MTFR1: variants seen among roughly 807,000 people sequenced by gnomAD.
MTFR1 encodes mitochondrial fission regulator 1, also known as chondrocyte protein with a poly-proline region.
A neutral mutation model predicts 38.8 loss-of-function variants in MTFR1; 28 were observed. That is an observed-to-expected ratio of 0.72 (90% CI 0.53 to 0.99). The LOEUF is 0.99. MTFR1 is among the 50% of genes least tolerant of loss of function. The probability of loss-of-function intolerance (pLI) is 0.00; values close to 1 mark genes in which losing one functional copy is unlikely to be tolerated. For missense variants in MTFR1, 358 were observed against 395.5 expected, an observed-to-expected ratio of 0.91 and a Z score of 0.81; for synonymous variants, 145 against 137.0, an observed-to-expected ratio of 1.06 and a Z score of -0.41.
intron 4 of MTFR1, among the ~76,000 whole-genome samples, chr8:65,700,755 G>A (rs924245889): frequency 2.6e-5 from 4 of 152,112 alleles, no homozygotes; most frequent in Non-Finnish European, 4.4e-5. Flanking sequence ...CTGTAGCTAT[G>A]TAAGATAGCT....
intron 3 of MTFR1, among the ~76,000 whole-genome samples, chr8:65,766,543 T>G (rs1808794601): frequency 6.6e-6 from 1 of 152,196 alleles, no homozygotes; most frequent in South Asian, 2.1e-4. Flanking sequence ...AGGGAGCCTG[T>G]TAGAACACGT....
At chr8:65,695,043 T>TAGAACCTGA (rs1805395505) in intron 4 of MTFR1, among the ~76,000 whole-genome samples, 1 of 152,138 alleles carries the variant, frequency 6.6e-6, no homozygotes, top group Non-Finnish European at 1.5e-5. Context: ...GAAAGCAATA[T>TAGAACCTGA]AGAACCTGAA....
chr8:65,686,849 G>A (rs1382760665), intron 3 of MTFR1, among the ~76,000 whole-genome samples: 3 of 151,652 alleles, frequency 2.0e-5, no homozygotes, highest in South Asian at 2.1e-4. Context: ...GCCTGAACCC[G>A]GGAACTGGAG....
intron 3 of MTFR1, among the ~76,000 whole-genome samples, chr8:65,692,528 T>TG (rs1197518995): frequency 6.6e-6 from 1 of 152,086 alleles, no homozygotes; most frequent in African/African-American, 2.4e-5. Context: ...TCAGTAGAGA[T>TG]GGGGTTTCAC....
At chr8:65,647,456 C>T (rs1323359301) in intron 1 of MTFR1, among the ~76,000 whole-genome samples, 1 of 152,116 alleles carries the variant, frequency 6.6e-6, no homozygotes, top group African/African-American at 2.4e-5. Flanking sequence ...GGATTACAGG[C>T]GTAGGCCACC....
intron 3 of MTFR1, among the ~76,000 whole-genome samples, chr8:65,764,761 C>T: frequency 6.6e-6 from 1 of 152,092 alleles, no homozygotes; most frequent in Non-Finnish European, 1.5e-5. Flanking sequence ...CAAAGTCTAA[C>T]ACAGTCTTAT....
At chr8:65,658,407 A>G (rs1009589284) in intron 1 of MTFR1, among the ~76,000 whole-genome samples, 3 of 152,236 alleles carry the variant, frequency 2.0e-5, no homozygotes, top group Non-Finnish European at 4.4e-5. Context: ...TAGTCGAGCT[A>G]CATACTATTA....
rs34749293 is a variant in MTFR1, at chr8:65,729,726, CT to C, written c.*48+10259del. Among the ~76,000 whole-genome samples, 382 of 140,596 alleles carry C rather than the reference CT, an allele frequency of 2.7e-3. 1 individual carries two copies. The highest frequency in any genetic ancestry group is 7.5e-3 in the Middle Eastern group (2 of 268). The allele number at this position is 140,596 out of a possible 152,430, so 92.2% of individuals were successfully genotyped here. A position where few individuals can be genotyped will look rare whatever the true frequency, so the allele number is the denominator to read the frequency against. ...TATAGGCGCCTACCACCATGCCTGA[CT>C]TTTTTTTTTTTTTGGTACTTTTATA... On this transcript the variant is annotated intron_variant, in intron 3 of 3. Transcript: ENST00000521247.
intron 3 of MTFR1, among the ~76,000 whole-genome samples, chr8:65,735,128 T>C (rs1303517681): frequency 6.6e-6 from 1 of 152,114 alleles, no homozygotes; most frequent in Admixed American, 6.5e-5. Context: ...GGGGTGGAGC[T>C]GTGCCCCCTG....
At chr8:65,686,791 C>G (rs1025230843) in intron 3 of MTFR1, among the ~76,000 whole-genome samples, 7 of 152,014 alleles carry the variant, frequency 4.6e-5, no homozygotes, top group African/African-American at 1.7e-4. Context: ...GGCGTGGTGG[C>G]AAGTTCTTGT....
At chr8:65,644,409 C>T (rs76148800), upstream of MTFR1, among the ~76,000 whole-genome samples, 2,623 of 152,292 alleles carry the variant, frequency 0.017, 77 homozygotes, top group African/African-American at 0.06. Context: ...GACTCGCAGC[C>T]TTTTTCAAGG....
At chr8:65,702,393 G>A (rs1288345128) in intron 4 of MTFR1, among the ~76,000 whole-genome samples, 1 of 146,942 alleles carries the variant, frequency 6.8e-6, no homozygotes, top group African/African-American at 2.5e-5. Context: ...TCCACTTCCC[G>A]GGTTCAAGCG....
At chr8:65,647,758 ATATT>A (rs757917436) in intron 1 of MTFR1, among the ~76,000 whole-genome samples, 2 of 152,148 alleles carry the variant, frequency 1.3e-5, no homozygotes, top group East Asian at 3.9e-4. Flanking sequence ...ATTCTTTTAT[ATATT>A]TATTAGATAC....
intron 3 of MTFR1, among the ~76,000 whole-genome samples, chr8:65,736,797 T>TG (rs1807155430): frequency 6.6e-6 from 1 of 151,166 alleles, no homozygotes; most frequent in Non-Finnish European, 1.5e-5. Context: ...TCTGTTTTTT[T>TG]TTTTTTTTTT....
intron 3 of MTFR1, among the ~76,000 whole-genome samples, chr8:65,751,160 C>T (rs931271408): frequency 1.3e-5 from 2 of 152,164 alleles, no homozygotes; most frequent in African/African-American, 4.8e-5. Flanking sequence ...GAAGCCTACA[C>T]GTAACAAGAT....
chr8:65,644,687 G>C (rs546213325), upstream of MTFR1: 7 of 152,404 alleles, frequency 4.6e-5, no homozygotes, highest in Non-Finnish European at 1.0e-4. Context: ...CCTGGCTCAG[G>C]CTTGGGGCGG....
At position 65,682,382 on chromosome 8, in the gene MTFR1, G is replaced by C; in HGVS notation, c.96G>C (p.Ser32=). The C allele has an allele frequency of 6.4e-7, 1 of 1,571,052 alleles. No homozygotes were observed. The highest frequency in any genetic ancestry group is 8.6e-7 in the Non-Finnish European group (1 of 1,158,012). Residue 32 remains serine (S), a synonymous_variant, in exon 3 of 8, where the codon TCG becomes TCC. Transcript: ENST00000262146. ...TTTGGTCTAGGAAGCCATATGGTTC[G>C]TCTCGAAGTATCGTAAGGAAAATTG... ...SVLWSRKPYG[S]SRSIVRKIGT...
chr8:65,746,841 C>T (rs1807697041), intron 3 of MTFR1, among the ~76,000 whole-genome samples: 1 of 152,170 alleles, frequency 6.6e-6, no homozygotes, highest in Non-Finnish European at 1.5e-5. Context: ...TAATTTTCTT[C>T]ACTTTCATGT....
intron 3 of MTFR1, among the ~76,000 whole-genome samples, chr8:65,730,393 T>C (rs562981170): frequency 1.3e-4 from 19 of 151,644 alleles, no homozygotes; most frequent in African/African-American, 4.1e-4. Context: ...TTGGTCAGGC[T>C]GGTCTCGAAC....
Sources: gnomAD v4.1 joint callset for allele counts (sites outside exome capture counted in the v4.1 genomes callset) on GRCh38, gnomAD v4.1.1 for gene constraint, MANE v1.5 for transcripts, NCBI Gene and HGNC (gene_info 2026-07-23, HGNC 2026-07-21) for gene names.